SDK1: variants seen among roughly 807,000 people sequenced by gnomAD.
The protein encoded by SDK1 is protein sidekick-1.
SDK1 carries 157 observed loss-of-function variants against 245.5 expected under a neutral mutation model. The ratio of observed to expected loss-of-function variants is 0.64; its 90% CI spans 0.56 to 0.73. The LOEUF (loss-of-function observed/expected upper bound fraction) is 0.73, where lower values mean the gene tolerates loss of function less well. SDK1 is among the 30% of genes least tolerant of loss of function. The probability of loss-of-function intolerance (pLI) is 0.00; values close to 1 mark genes in which losing one functional copy is unlikely to be tolerated. For synonymous variants in SDK1, 1,647 were observed against 1,278.5 expected (o/e 1.29, Z -6.15); for missense variants, 3,583 against 3,002.3 (o/e 1.19, Z -4.52).
chr7:3,550,193 T>C (rs914890766), intron 1 of SDK1, among the ~76,000 whole-genome samples: 8 of 152,218 alleles, frequency 5.3e-5, no homozygotes, highest in African/African-American at 1.7e-4. Flanking sequence ...CTTATACATA[T>C]ATAATTGAGA....
intron 44 of SDK1, among the ~76,000 whole-genome samples, chr7:4,252,651 G>C (rs1787381057): frequency 1.3e-5 from 2 of 152,050 alleles, no homozygotes; most frequent in Non-Finnish European, 2.9e-5. Context: ...TTTTTATGTA[G>C]GGTAATATTG....
chr7:4,044,696 C>T lies in SDK1; in HGVS notation c.2603-4652C>T, dbSNP rs117787717. 3.7e-3 allele frequency among the ~76,000 whole-genome samples: 556 copies of T among 152,218 alleles called. 6 individuals are homozygous for T. The South Asian group carries it at 0.039, about 11-fold the overall frequency. On this transcript the variant is annotated intron_variant, in intron 17 of 44. Transcript: ENST00000404826. ...CTGGGCTCAAGCGATCCTCCCACCC[C>T]AGACTCCCAAAGTGTTGGGATTACA...
intron 1 of SDK1, among the ~76,000 whole-genome samples, chr7:3,451,707 A>G (rs1466648428): frequency 6.6e-6 from 1 of 152,224 alleles, no homozygotes; most frequent in Non-Finnish European, 1.5e-5. Flanking sequence ...ATGAAATTAA[A>G]CAGTACTGTC....
chr7:3,582,683 T>TAAAAAA lies in SDK1; in HGVS notation c.299-36376_299-36371dup, dbSNP rs71029682. On this transcript the variant is annotated intron_variant, in intron 1 of 44. Coordinates refer to ENST00000404826, the MANE Select transcript of SDK1 (RefSeq NM_152744.4). The stretch of plus-strand genomic sequence containing the variant: ...ATGTAGCCCTGAACCTAAACTAAAG[T>TAAAAAA]AAAAAAAAAAAAAAAAAAAAAAAAA... Among the ~76,000 whole-genome samples the TAAAAAA allele has an allele frequency of 3.0e-4, 21 of 69,684 alleles. 1 individual carries two copies. Among genetic ancestry groups the TAAAAAA allele is most frequent in the African/African-American group, 8.5e-4 (15 of 17,702 alleles). 45.7% of individuals were successfully genotyped at this position (69,684 alleles called of 152,430 possible).
chr7:4,073,137 G>A (rs112485436), intron 20 of SDK1, among the ~76,000 whole-genome samples: 8 of 152,284 alleles, frequency 5.3e-5, no homozygotes, highest in African/African-American at 1.9e-4. Context: ...CAAGCGGGAG[G>A]TACCCCCGCT....
chr7:4,224,486 A>G (rs965789692), intron 40 of SDK1, among the ~76,000 whole-genome samples: 7 of 152,154 alleles, frequency 4.6e-5, no homozygotes, highest in South Asian at 2.1e-4. Context: ...TCCTAAAACC[A>G]TTCATGAGAA....
chr7:3,430,744 G>A (rs1388227571), intron 1 of SDK1, among the ~76,000 whole-genome samples: 2 of 152,204 alleles, frequency 1.3e-5, no homozygotes, highest in Non-Finnish European at 2.9e-5. Flanking sequence ...TAGTAGGAAT[G>A]TCTGCTGCCC....
chr7:4,070,736 G>GTC (rs1381806111), intron 20 of SDK1, among the ~76,000 whole-genome samples: 16 of 149,694 alleles, frequency 1.1e-4, no homozygotes, highest in Non-Finnish European at 5.9e-5. Context: ...TTGAGATGGA[G>GTC]TCTCACTCTG....
Position 4,205,003 on chromosome 7 carries a change from G to C in SDK1, c.5099-876G>C, listed in dbSNP as rs566751756. 5.1e-4 allele frequency among the ~76,000 whole-genome samples: 78 copies of C among 152,228 alleles called. 2 individuals are homozygous for C. Among genetic ancestry groups the C allele is most frequent in the African/African-American group, 1.8e-3 (76 of 41,542 alleles). ...CGGCCACACCCCTAATGGCGGTGTG[G>C]TAAGGCGCGGAGGTGCGGCCGCAAC... On this transcript the variant is annotated intron_variant, in intron 35 of 44. Coordinates refer to ENST00000404826, the MANE Select transcript of SDK1 (RefSeq NM_152744.4).
At chr7:3,303,633 T>C (rs1025828449) in intron 1 of SDK1, among the ~76,000 whole-genome samples, 2 of 152,240 alleles carry the variant, frequency 1.3e-5, no homozygotes, top group African/African-American at 2.4e-5. Context: ...TTTACATTTA[T>C]ATGGCTTATG....
At chr7:4,109,817 G>A (rs1285831070) in intron 22 of SDK1, among the ~76,000 whole-genome samples, 1 of 152,236 alleles carries the variant, frequency 6.6e-6, no homozygotes, top group African/African-American at 2.4e-5. Context: ...AGAGCACAAG[G>A]ATGAGTGAGA....
chr7:3,461,687 C>A lies in SDK1; in HGVS notation c.299-157393C>A, dbSNP rs115134745. On this transcript the variant is annotated intron_variant, in intron 1 of 44. Coordinates refer to ENST00000404826, the MANE Select transcript of SDK1 (RefSeq NM_152744.4). ...CCTTCTCTCATTCCCATCTTTTCAA[C>A]AGATGACATCACCTTATATGTTACA... Among the ~76,000 whole-genome samples, 834 of 152,250 alleles carry A rather than the reference C, an allele frequency of 5.5e-3. 7 individuals are homozygous for A. The highest frequency in any genetic ancestry group is 0.019 in the African/African-American group (795 of 41,560).
chr7:4,239,016 C>T (rs1786361401), intron 42 of SDK1, among the ~76,000 whole-genome samples: 1 of 152,232 alleles, frequency 6.6e-6, no homozygotes, highest in African/African-American at 2.4e-5. Flanking sequence ...TCTTCTCACC[C>T]ACTGCAGCTT....
intron 1 of SDK1, among the ~76,000 whole-genome samples, chr7:3,504,974 G>A (rs1444750612): frequency 1.3e-5 from 2 of 152,186 alleles, no homozygotes; most frequent in Non-Finnish European, 2.9e-5. Context: ...AATGGAGATA[G>A]GCAGTCAGTA....
intron 4 of SDK1, among the ~76,000 whole-genome samples, chr7:3,764,097 G>A (rs189100995): frequency 1.1e-3 from 160 of 152,294 alleles, no homozygotes; most frequent in Non-Finnish European, 2.1e-4. Context: ...AAAGCTATGA[G>A]TAGTATTGTT....
In SDK1 at chr7:4,221,312, A is replaced by G. The variant is rs759926977; in HGVS notation, c.5775A>G (p.Gly1925=). ...AACTGACGCTGCAGTGGACTGAGGG[A>G]CACTCTGGCGACACACCTACCACGG... The part of the protein sequence containing the change: ...ASELTLQWTE[G]HSGDTPTTGY... The change falls in exon 40 of 45, where the codon GGA becomes GGG. Residue 1925 remains glycine (G), a synonymous_variant. Coordinates refer to ENST00000404826, the MANE Select transcript of SDK1 (RefSeq NM_152744.4). 6.2e-7 allele frequency: 1 copy of G among 1,613,538 alleles called. No individual in the cohort carries two copies. The highest frequency in any genetic ancestry group is 8.5e-7 in the Non-Finnish European group (1 of 1,179,892).
chr7:3,764,407 C>A (rs531004176), intron 4 of SDK1, among the ~76,000 whole-genome samples: 5 of 152,272 alleles, frequency 3.3e-5, no homozygotes, highest in South Asian at 4.2e-4. Context: ...CATCCTAGGC[C>A]GGGCACAGTG....
rs368701018 is a variant in SDK1 at position 4,232,231 on chromosome 7, A to G, written c.5828-1024A>G. The stretch of plus-strand genomic sequence containing the variant: ...ACCATTCTACAGACAAGGGTCAGAG[A>G]GGTTCCGTTCTTTGTCTAAAGCCAC... On this transcript the variant is annotated intron_variant, in intron 40 of 44. Coordinates refer to ENST00000404826, the MANE Select transcript of SDK1 (RefSeq NM_152744.4). Among the ~76,000 whole-genome samples, 17 of 151,920 alleles carry G rather than the reference A, an allele frequency of 1.1e-4. No individual in the cohort carries two copies. The South Asian group carries it at 3.3e-3, about 30-fold the overall frequency.
intron 2 of SDK1, among the ~76,000 whole-genome samples, chr7:3,625,210 A>G (rs1353943583): frequency 1.3e-5 from 2 of 152,222 alleles, no homozygotes; most frequent in African/African-American, 4.8e-5. Flanking sequence ...GAATATTTGA[A>G]TGATCTCAGA....
Sources: allele counts gnomAD v4.1 joint callset (sites outside exome capture counted in the v4.1 genomes callset), GRCh38; gene constraint gnomAD v4.1.1; transcripts MANE v1.5; gene names NCBI Gene and HGNC (gene_info 2026-07-23, HGNC 2026-07-21).